LRRTM4: variants seen among roughly 807,000 people sequenced by gnomAD.
LRRTM4 encodes leucine rich repeat transmembrane neuronal 4.
A neutral mutation model predicts 47.6 loss-of-function variants in LRRTM4; 25 were observed. That is an observed-to-expected ratio of 0.53 (90% CI 0.38 to 0.73). The LOEUF (loss-of-function observed/expected upper bound fraction) is 0.73, where lower values mean the gene tolerates loss of function less well. LRRTM4 is among the 30% of genes least tolerant of loss of function. LRRTM4 has a pLI of 0.00. For missense variants in LRRTM4, 638 were observed against 713.4 expected, an observed-to-expected ratio of 0.89 and a Z score of 1.20; for synonymous variants, 311 against 269.5, an observed-to-expected ratio of 1.15 and a Z score of -1.51.
chr2:77,437,531 T>C (rs1675651266), intron 3 of LRRTM4, among the ~76,000 whole-genome samples: 1 of 152,006 alleles, frequency 6.6e-6, no homozygotes, highest in African/African-American at 2.4e-5. Context: ...AAGAAAGAAA[T>C]CTCATTGAAT....
intron 3 of LRRTM4, among the ~76,000 whole-genome samples, chr2:77,482,871 C>T (rs1677760681): frequency 1.3e-5 from 2 of 151,844 alleles, no homozygotes; most frequent in South Asian, 2.1e-4. Flanking sequence ...ACCTGTAATC[C>T]CAGCACTTTG....
intron 3 of LRRTM4, among the ~76,000 whole-genome samples, chr2:77,040,158 A>G (rs1166254756): frequency 1.3e-5 from 2 of 151,302 alleles, no homozygotes; most frequent in African/African-American, 4.8e-5. Flanking sequence ...ATATAAAACT[A>G]TTGAGATTTT....
At chr2:76,969,476 A>C (rs1334565114) in intron 3 of LRRTM4, among the ~76,000 whole-genome samples, 1 of 151,904 alleles carries the variant, frequency 6.6e-6, no homozygotes, top group Non-Finnish European at 1.5e-5. Flanking sequence ...AACTTTAGAG[A>C]AATTTTAGGC....
At chr2:76,824,564 C>G (rs1321663829) in intron 3 of LRRTM4, among the ~76,000 whole-genome samples, 3 of 148,370 alleles carry the variant, frequency 2.0e-5, no homozygotes, top group Non-Finnish European at 4.4e-5. Flanking sequence ...CAGACAAGAG[C>G]AAGGCATGAT....
intron 3 of LRRTM4, among the ~76,000 whole-genome samples, chr2:77,232,027 G>A (rs1674979046): frequency 6.6e-6 from 1 of 152,066 alleles, no homozygotes; most frequent in Non-Finnish European, 1.5e-5. Context: ...TTCTAGCAAA[G>A]CAAAGTTGTT....
intron 3 of LRRTM4, among the ~76,000 whole-genome samples, chr2:76,815,075 G>T (rs1670861180): frequency 6.6e-6 from 1 of 151,892 alleles, no homozygotes; most frequent in South Asian, 2.1e-4. Context: ...TTCTAAAAAT[G>T]TTCTGCCTTT....
At chr2:77,068,784 A>G (rs113413383) in intron 3 of LRRTM4, among the ~76,000 whole-genome samples, 3,157 of 152,354 alleles carry the variant, frequency 0.021, 119 homozygotes, top group African/African-American at 0.07. Flanking sequence ...AAAACTGGCC[A>G]TAAACAAAAT....
chr2:77,131,130 G>A (rs541013491), intron 3 of LRRTM4, among the ~76,000 whole-genome samples: 9 of 152,196 alleles, frequency 5.9e-5, no homozygotes, highest in South Asian at 4.1e-4. Context: ...CACCGCGCCC[G>A]GCCTGGTTCT....
intron 3 of LRRTM4, among the ~76,000 whole-genome samples, chr2:77,066,049 T>A (rs1057241575): frequency 1.3e-5 from 2 of 152,072 alleles, no homozygotes; most frequent in East Asian, 3.9e-4. Flanking sequence ...CTACAGCTTC[T>A]CAGAGAAGAA....
intron 3 of LRRTM4, among the ~76,000 whole-genome samples, chr2:76,927,053 T>C (rs1034770495): frequency 1.3e-5 from 2 of 152,160 alleles, no homozygotes; most frequent in Admixed American, 6.6e-5. Flanking sequence ...CAATTCTCTA[T>C]TGTGATTTTG....
intron 3 of LRRTM4, among the ~76,000 whole-genome samples, chr2:77,483,296 A>C (rs1677787371): frequency 6.6e-6 from 1 of 152,108 alleles, no homozygotes; most frequent in Non-Finnish European, 1.5e-5. Context: ...ATTTATCTGG[A>C]AGACAACCAA....
At chr2:77,435,391 C>A (rs370291732) in intron 3 of LRRTM4, among the ~76,000 whole-genome samples, 160 of 152,246 alleles carry the variant, frequency 1.1e-3, no homozygotes, top group African/African-American at 3.7e-3. Flanking sequence ...TATTACTCAG[C>A]TATTCCTTAA....
At chr2:77,517,465 T>C in intron 3 of LRRTM4, 1 of 985,212 alleles carries the variant, frequency 1.0e-6, no homozygotes, top group Non-Finnish European at 1.2e-6. Context: ...ATGACTGCCA[T>C]TTTATTATTG....
chr2:77,009,738 A>T (rs1485025499), intron 3 of LRRTM4: 1 of 152,060 alleles, frequency 6.6e-6, no homozygotes, highest in Non-Finnish European at 1.5e-5. Context: ...TTGTTGCTTC[A>T]AATTATTTGT....
chr2:76,840,038 TCTACTC>T, intron 3 of LRRTM4, among the ~76,000 whole-genome samples: 1 of 152,106 alleles, frequency 6.6e-6, no homozygotes, highest in South Asian at 2.1e-4. Context: ...TAAATACTGT[TCTACTC>T]CAAGAAAAGC....
At chr2:76,856,454 G>A (rs1672153939) in intron 3 of LRRTM4, among the ~76,000 whole-genome samples, 1 of 152,034 alleles carries the variant, frequency 6.6e-6, no homozygotes, top group South Asian at 2.1e-4. Flanking sequence ...GTACTGCTAA[G>A]GAATAATTAG....
chr2:77,012,593 TAAAGTA>T (rs768738329), intron 3 of LRRTM4, among the ~76,000 whole-genome samples: 115 of 152,336 alleles, frequency 7.5e-4, no homozygotes, highest in African/African-American at 2.2e-3. Context: ...TGTTACTTGT[TAAAGTA>T]AAAGTATCAT....
chr2:77,291,650 A>T (rs954143483), intron 3 of LRRTM4, among the ~76,000 whole-genome samples: 4 of 152,072 alleles, frequency 2.6e-5, no homozygotes, highest in African/African-American at 9.7e-5. Context: ...AAAATTTTTT[A>T]AAAGCATTGT....
intron 3 of LRRTM4, among the ~76,000 whole-genome samples, chr2:77,036,986 C>T (rs1678859637): frequency 6.6e-6 from 1 of 151,584 alleles, no homozygotes; most frequent in African/African-American, 2.4e-5. Flanking sequence ...GACTCAGATG[C>T]CTAGCATGCT....
Sources: gnomAD v4.1 joint callset for allele counts (sites outside exome capture counted in the v4.1 genomes callset) on GRCh38, gnomAD v4.1.1 for gene constraint, MANE v1.5 for transcripts, NCBI Gene and HGNC (gene_info 2026-07-23, HGNC 2026-07-21) for gene names.